The following APH1B variants were observed in gnomAD, a reference collection of about 807,000 sequenced individuals.
APH1B encodes aph-1B gamma-secretase subunit.
In APH1B, 27 loss-of-function variants were observed where a neutral mutation model predicts 28.2. The ratio of observed to expected loss-of-function variants is 0.96; its 90% CI spans 0.70 to 1.32. The LOEUF is 1.32. Among genes scored for constraint, APH1B ranks in the 40% most tolerant of loss-of-function variants. APH1B has a pLI of 0.00. For missense variants in APH1B, 305 were observed against 313.6 expected, an observed-to-expected ratio of 0.97 and a Z score of 0.21; for synonymous variants, 141 against 124.6, an observed-to-expected ratio of 1.13 and a Z score of -0.88.
intron 2 of APH1B, among the ~76,000 whole-genome samples, chr15:63,281,294 G>T (rs1273373051): frequency 5.9e-5 from 9 of 152,060 alleles, no homozygotes; most frequent in Non-Finnish European, 1.0e-4. Flanking sequence ...CATGGTTGTG[G>T]CTTCCAAACC....
intron 3 of APH1B, 147 bp from the exon 4 acceptor site, chr15:63,287,277 A>C: frequency 9.6e-7 from 1 of 1,037,564 alleles, no homozygotes; most frequent in Non-Finnish European, 1.4e-6. Context: ...AGCCAAGCAC[A>C]TGCCTCTCCA....
At chr15:63,277,848 G>C in intron 1 of APH1B, 112 bp downstream of exon 1, 4 of 1,068,402 alleles carry the variant, frequency 3.7e-6, no homozygotes, top group Non-Finnish European at 5.3e-6. Context: ...CGTTTCAGAC[G>C]GGAGGAGGGT....
chr15:63,291,880 G>C (rs2038509975), intron 4 of APH1B: 1 of 152,194 alleles, frequency 6.6e-6, no homozygotes, highest in African/African-American at 2.4e-5. Flanking sequence ...TGGCCACTTA[G>C]CCTGGACCCT....
At chr15:63,302,869 ATC>A (rs1395253004) in intron 5 of APH1B, among the ~76,000 whole-genome samples, 6 of 151,810 alleles carry the variant, frequency 4.0e-5, no homozygotes. Context: ...TATAGTTTTT[ATC>A]TCTCTCTCTC....
intron 2 of APH1B, among the ~76,000 whole-genome samples, chr15:63,285,756 C>A (rs1236790261): frequency 6.6e-6 from 1 of 152,204 alleles, no homozygotes; most frequent in African/African-American, 2.4e-5. Context: ...CCATGCTCGG[C>A]TGAAGATTAT....
chr15:63,278,753 TG>T (rs1315928109), intron 1 of APH1B, among the ~76,000 whole-genome samples: 1 of 152,248 alleles, frequency 6.6e-6, no homozygotes, highest in Admixed American at 6.5e-5. Flanking sequence ...CATAATTTCT[TG>T]TAAGTTTTAA....
Position 63,306,039 on chromosome 15 carries a change from C to T in APH1B, c.*258C>T, listed in dbSNP as rs199560509. On this transcript the variant is annotated 3_prime_UTR_variant, in exon 6 of 6. Coordinates refer to ENST00000261879, the MANE Select transcript of APH1B (RefSeq NM_031301.4). ...GGCTCCACCTTCCAGAGCTAATTGG[C>T]CTGGGCACGTGGTGAGTTTTAAAAG... 5 of 392,984 alleles carry T rather than the reference C, an allele frequency of 1.3e-5. No homozygotes were observed. The highest frequency in any genetic ancestry group is 2.3e-5 in the Non-Finnish European group (5 of 220,442). The allele number at this position is 392,984 out of a possible 1,614,324, so 24.3% of individuals were successfully genotyped here.
chr15:63,285,463 A>C (rs2038435239), intron 2 of APH1B, among the ~76,000 whole-genome samples: 1 of 152,234 alleles, frequency 6.6e-6, no homozygotes, highest in Non-Finnish European at 1.5e-5. Context: ...TCTTTGAGTC[A>C]GGATCTTACA....
At chr15:63,288,523 T>C (rs181270355) in intron 4 of APH1B, among the ~76,000 whole-genome samples, 1 of 152,316 alleles carries the variant, frequency 6.6e-6, no homozygotes, top group African/African-American at 2.4e-5. Context: ...CCTCAACTGG[T>C]TAGTCTTTCC....
chr15:63,302,304 G>T lies in APH1B; in HGVS notation c.479-41G>T. On this transcript the variant is annotated intron_variant, in intron 4 of 5. Coordinates refer to ENST00000261879, the MANE Select transcript of APH1B (RefSeq NM_031301.4). ...CAGTGCCAGGGTCCTCAGTGGTTCT[G>T]ATACCTGTAGGAGTGACACTAATGG... The T allele has an allele frequency of 6.2e-7, 1 of 1,606,752 alleles. No homozygotes were observed. Among genetic ancestry groups the T allele is most frequent in the South Asian group, 1.1e-5 (1 of 90,112 alleles).
At chr15:63,287,591 G>T in intron 4 of APH1B, 45 bp downstream of exon 4, 1 of 1,600,032 alleles carries the variant, frequency 6.2e-7, no homozygotes, top group Non-Finnish European at 8.5e-7. Context: ...TAGTCTAAAT[G>T]ATCATTCTTA....
intron 1 of APH1B, chr15:63,278,498 A>G (rs1392732217): frequency 2.7e-6 from 1 of 373,486 alleles, no homozygotes; most frequent in Non-Finnish European, 5.3e-6. Flanking sequence ...CACCTCCCAC[A>G]AACGTATTGA....
At chr15:63,296,302 C>T (rs2038567000) in intron 4 of APH1B, among the ~76,000 whole-genome samples, 1 of 152,162 alleles carries the variant, frequency 6.6e-6, no homozygotes, top group African/African-American at 2.4e-5. Context: ...AAGCCAAAAG[C>T]CCATTGATCT....
intron 5 of APH1B, among the ~76,000 whole-genome samples, chr15:63,303,656 T>C (rs1312479572): frequency 6.6e-6 from 1 of 152,120 alleles, no homozygotes; most frequent in African/African-American, 2.4e-5. Context: ...CCGTCATGCC[T>C]GGCTAACTTT....
chr15:63,284,062 G>C (rs2038418963), intron 2 of APH1B, among the ~76,000 whole-genome samples: 1 of 152,146 alleles, frequency 6.6e-6, no homozygotes, highest in African/African-American at 2.4e-5. Context: ...CCTTACACCA[G>C]TATAAGATGA....
At chr15:63,296,061 G>T (rs963719992) in intron 4 of APH1B, among the ~76,000 whole-genome samples, 1 of 152,178 alleles carries the variant, frequency 6.6e-6, no homozygotes, top group Non-Finnish European at 1.5e-5. Flanking sequence ...AGTAAATCAG[G>T]CCGCAGAATT....
chr15:63,279,840 C>T (rs1161835613), intron 2 of APH1B, among the ~76,000 whole-genome samples: 5 of 151,260 alleles, frequency 3.3e-5, no homozygotes, highest in Non-Finnish European at 7.4e-5. Flanking sequence ...TCCTGTTGCC[C>T]AGGCTGGAGT....
chr15:63,297,298 G>T (rs2038578127), intron 4 of APH1B, among the ~76,000 whole-genome samples: 2 of 152,162 alleles, frequency 1.3e-5, no homozygotes, highest in South Asian at 4.1e-4. Flanking sequence ...GCTGAGGTGG[G>T]CAGATTGCCT....
chr15:63,295,666 G>A (rs1224352616), intron 4 of APH1B, among the ~76,000 whole-genome samples: 1 of 152,138 alleles, frequency 6.6e-6, no homozygotes, highest in Non-Finnish European at 1.5e-5. Context: ...TCCACTAGAT[G>A]CCAGAAGCAC....
Sources: allele counts gnomAD v4.1 joint callset (sites outside exome capture counted in the v4.1 genomes callset), GRCh38; gene constraint gnomAD v4.1.1; transcripts MANE v1.5; gene names NCBI Gene and HGNC (gene_info 2026-07-23, HGNC 2026-07-21).